The following DMD variants were observed in gnomAD, a reference collection of about 807,000 sequenced individuals.
DMD encodes the protein mutant dystrophin.
A neutral mutation model predicts 330.1 loss-of-function variants in DMD; 63 were observed. The observed-to-expected ratio is 0.19, with a 90% CI of 0.16 to 0.24. The LOEUF (loss-of-function observed/expected upper bound fraction) is 0.24, where lower values mean the gene tolerates loss of function less well. Ranked by LOEUF, DMD falls within the 10% of genes least tolerant of loss-of-function variation. The pLI, the probability that DMD is intolerant of heterozygous loss-of-function variation, is 1.00. For synonymous variants in DMD, 1,223 were observed against 959.8 expected, an observed-to-expected ratio of 1.27 and a Z score of -5.07; for missense variants, 3,344 against 2,684.1, an observed-to-expected ratio of 1.25 and a Z score of -5.43.
At chrX:32,047,282 GATAA>G (rs1341848106) in intron 44 of DMD, among the ~76,000 whole-genome samples, 4 of 111,392 alleles carry the variant, frequency 3.6e-5, no homozygotes, top group Non-Finnish European at 5.7e-5. Flanking sequence ...GGATATAGAT[GATAA>G]ATAGATGACA....
chrX:32,714,998 C>T (rs192214796), intron 7 of DMD, among the ~76,000 whole-genome samples: 2 of 111,218 alleles, frequency 1.8e-5, no homozygotes, highest in South Asian at 3.8e-4. Context: ...ATTCTGAATA[C>T]AACACACTAT....
At chrX:32,601,516 A>G (rs1185575569) in intron 12 of DMD, among the ~76,000 whole-genome samples, 1 of 111,701 alleles carries the variant, frequency 9.0e-6, no homozygotes, top group African/African-American at 3.2e-5. Context: ...CCTGAAGGGG[A>G]CTCAATAAAT....
Position 32,342,285 on chromosome X carries a change from A to G in DMD, c.5740-3T>C. The G allele has an allele frequency of 1.7e-6, 2 of 1,210,773 alleles. No homozygotes were observed. The highest frequency in any genetic ancestry group is 3.0e-5 in the East Asian group (1 of 33,797). On this transcript the variant is annotated splice_region_variant and splice_polypyrimidine_tract_variant and intron_variant, in intron 40 of 78. Transcript: ENST00000357033. ...TTCTGCAATTCCCGATCAATTTCCTATTGAGCAAAACCAATACAGGGCCCA... is the reference window on the plus strand; with the variant it reads ...TTCTGCAATTCCCGATCAATTTCCTGTTGAGCAAAACCAATACAGGGCCCA...
intron 1 of DMD, among the ~76,000 whole-genome samples, chrX:33,279,193 C>T (rs759026386): frequency 6.4e-4 from 71 of 111,645 alleles, no homozygotes; most frequent in Non-Finnish European, 1.2e-3. Context: ...CAATAAATTT[C>T]GAAAATTGAA....
At chrX:32,014,316 T>C (rs952013827) in intron 44 of DMD, among the ~76,000 whole-genome samples, 1 of 85,252 alleles carries the variant, frequency 1.2e-5, no homozygotes, top group Non-Finnish European at 2.0e-5. Context: ...ATAATACAGA[T>C]TCATTTCCAT....
intron 42 of DMD, among the ~76,000 whole-genome samples, chrX:32,289,558 G>A: frequency 9.0e-6 from 1 of 111,041 alleles, no homozygotes; most frequent in Non-Finnish European, 1.9e-5. Flanking sequence ...CAAGATACGG[G>A]TCACAAAGAC....
intron 44 of DMD, among the ~76,000 whole-genome samples, chrX:32,142,351 C>G (rs2096757738): frequency 8.9e-6 from 1 of 112,035 alleles, no homozygotes; most frequent in African/African-American, 3.2e-5. Flanking sequence ...CCTTTACGGC[C>G]CTTCCATCCT....
intron 11 of DMD, among the ~76,000 whole-genome samples, chrX:32,628,887 G>T (rs1305781911): frequency 8.9e-6 from 1 of 111,934 alleles, no homozygotes; most frequent in Admixed American, 9.5e-5. Context: ...GCTAATTTAT[G>T]TTATTTTGAT....
chrX:31,723,275 A>ACTCCTGCAAT (rs11283293), intron 52 of DMD, among the ~76,000 whole-genome samples: 26,773 of 108,195 alleles, frequency 0.25, 3,696 homozygotes, highest in African/African-American at 0.48. Flanking sequence ...AAGTAACATC[A>ACTCCTGCAAT]CTCCTGCAAT....
intron 44 of DMD, among the ~76,000 whole-genome samples, chrX:32,050,987 T>TTTTTTTTTTTC (rs1491256522): frequency 1.0e-5 from 1 of 99,256 alleles, no homozygotes; most frequent in African/African-American, 3.9e-5. Context: ...TTTTTTTTTT[T>TTTTTTTTTTTC]CCCCCTAATA....
intron 18 of DMD, among the ~76,000 whole-genome samples, chrX:32,510,991 TACATATATGTACATAC>T (rs1465198707): frequency 9.1e-6 from 1 of 110,086 alleles, no homozygotes; most frequent in Non-Finnish European, 1.9e-5. Context: ...TGTGTGTATG[TACATATATGTACATAC>T]ACATACATAC....
intron 34 of DMD, among the ~76,000 whole-genome samples, chrX:32,371,425 C>A (rs2097877286): frequency 9.1e-6 from 1 of 109,776 alleles, no homozygotes; most frequent in African/African-American, 3.3e-5. Flanking sequence ...TACTATAGGA[C>A]CAAATTTTTT....
At position 33,051,646 on chromosome X, in the gene DMD, A is replaced by ATTTTTTTTTTTTTTTTTTT. The variant is rs754035822; in HGVS notation, c.32-31465_32-31447dup. 4.0e-3 allele frequency among the ~76,000 whole-genome samples: 291 copies of ATTTTTTTTTTTTTTTTTTT among 71,902 alleles called. 42 individuals carry two copies. Among genetic ancestry groups the ATTTTTTTTTTTTTTTTTTT allele is most frequent in the African/African-American group, 0.018 (278 of 15,353 alleles). The allele number at this position is 71,902 out of a possible 115,157, so 62.4% of individuals were successfully genotyped here. On this transcript the variant is annotated intron_variant, in intron 1 of 78. Coordinates refer to ENST00000357033, the MANE Select transcript of DMD (RefSeq NM_004006.3). Reference sequence around the variant, plus strand: ...TAAGGAAAATATATAATTACGCTCTATTTTTTTTTTTTTTTTTTTGAGACG... The same window carrying ATTTTTTTTTTTTTTTTTTT: ...TAAGGAAAATATATAATTACGCTCTATTTTTTTTTTTTTTTTTTTTTTTTTTTTTTTTTTTTTTGAGACG...
chrX:31,867,664 C>A (rs992262255), intron 48 of DMD, among the ~76,000 whole-genome samples: 11 of 110,983 alleles, frequency 9.9e-5, no homozygotes, highest in African/African-American at 3.6e-4. Flanking sequence ...AGATGCTGAA[C>A]CTTGACTAGG....
At chrX:32,732,592 A>G (rs190959412) in intron 7 of DMD, among the ~76,000 whole-genome samples, 1,841 of 111,429 alleles carry the variant, frequency 0.017, 45 homozygotes, top group African/African-American at 0.057. Flanking sequence ...GCCAGAAGAG[A>G]GTGGGGGCCA....
At chrX:32,076,505 G>A (rs374404159) in intron 44 of DMD, among the ~76,000 whole-genome samples, 2 of 107,202 alleles carry the variant, frequency 1.9e-5, no homozygotes, top group African/African-American at 6.8e-5. Context: ...TCAGCCTCCC[G>A]AGTAGCTGGG....
chrX:32,188,677 G>C (rs964086250), intron 44 of DMD, among the ~76,000 whole-genome samples: 4 of 108,118 alleles, frequency 3.7e-5, no homozygotes, highest in African/African-American at 1.3e-4. Context: ...TAGAAATCTG[G>C]AAGTGTATGT....
chrX:32,862,609 C>CATT (rs1557096958), intron 2 of DMD, among the ~76,000 whole-genome samples: 3 of 110,216 alleles, frequency 2.7e-5, no homozygotes, highest in Non-Finnish European at 5.7e-5. Flanking sequence ...ATGGTAAATG[C>CATT]TTTATCTTAT....
At chrX:33,116,511 A>C (rs1167279656) in intron 1 of DMD, among the ~76,000 whole-genome samples, 1 of 111,370 alleles carries the variant, frequency 9.0e-6, no homozygotes, top group Admixed American at 9.6e-5. Flanking sequence ...ATGCAGAGCT[A>C]CTGAGGTATT....
Sources: gnomAD v4.1 joint callset for allele counts (sites outside exome capture counted in the v4.1 genomes callset) on GRCh38, gnomAD v4.1.1 for gene constraint, MANE v1.5 for transcripts, NCBI Gene and HGNC (gene_info 2026-07-23, HGNC 2026-07-21) for gene names.